Variants in SMAD5 observed in about 807,000 individuals in gnomAD.
SMAD5 encodes MAD, mothers against decapentaplegic homolog 5.
SMAD5 carries 9 observed loss-of-function variants against 43.1 expected under a neutral mutation model. The observed-to-expected ratio is 0.21, with a 90% CI of 0.13 to 0.36. The LOEUF (loss-of-function observed/expected upper bound fraction) is 0.36, where lower values mean the gene tolerates loss of function less well. Ranked by LOEUF, SMAD5 falls within the 10% of genes least tolerant of loss-of-function variation. The pLI is 1.00. For synonymous variants in SMAD5, 190 were observed against 192.4 expected, an observed-to-expected ratio of 0.99 and a Z score of 0.10; for missense variants, 348 against 574.0, an observed-to-expected ratio of 0.61 and a Z score of 4.02.
intron 6 of SMAD5, 110 bp downstream of exon 6, chr5:136,172,765 GCC>G: frequency 1.3e-6 from 1 of 742,200 alleles, no homozygotes; most frequent in Non-Finnish European, 2.4e-6. Context: ...TTGACACGTG[GCC>G]TCTGCCTTAA....
chr5:136,140,108 T>A (rs1035769787), intron 1 of SMAD5, among the ~76,000 whole-genome samples: 1 of 151,294 alleles, frequency 6.6e-6, no homozygotes, highest in Non-Finnish European at 1.5e-5. Flanking sequence ...CTGCAACCTC[T>A]GCCTCCCGGG....
intron 3 of SMAD5, 102 bp from the exon 4 acceptor site, chr5:136,160,754 A>G (rs1753794437): frequency 9.0e-7 from 1 of 1,106,872 alleles, no homozygotes; most frequent in African/African-American, 1.6e-5. Flanking sequence ...TTGTTTTAAT[A>G]GGTTTACAGT....
intron 1 of SMAD5, among the ~76,000 whole-genome samples, chr5:136,136,106 G>A (rs1177356805): frequency 1.3e-5 from 2 of 152,108 alleles, no homozygotes; most frequent in African/African-American, 4.8e-5. Flanking sequence ...AAAAGAAAAG[G>A]CCCAAGGAAG....
chr5:136,140,741 T>C (rs953289650), intron 1 of SMAD5, among the ~76,000 whole-genome samples: 1 of 151,518 alleles, frequency 6.6e-6, no homozygotes, highest in Non-Finnish European at 1.5e-5. Flanking sequence ...TATAGCACTT[T>C]TCACCTAACA....
rs866353610 is a variant in SMAD5 at position 136,153,950 on chromosome 5, A to G, written c.190A>G (p.Lys64Glu). The change falls in exon 3 of 8, where the codon AAA becomes GAA. Residue 64 changes from lysine to glutamate, a missense_variant. Physicochemically the swap from Lys to Glu is moderately conservative, Grantham distance 56. Coordinates refer to ENST00000545279, the MANE Select transcript of SMAD5 (RefSeq NM_005903.7). Reference protein sequence around the residue: ...KALSSPGQPSKCVTIPRSLDG... With the variant: ...KALSSPGQPSECVTIPRSLDG... ...CTTGAGCAGTCCAGGACAGCCGAGT[A>G]AATGTGTCACTATTCCCAGATCTTT... The G allele has an allele frequency of 6.2e-7, 1 of 1,612,316 alleles. No homozygotes were observed. Among genetic ancestry groups the G allele is most frequent in the Non-Finnish European group, 8.5e-7 (1 of 1,179,426 alleles).
At chr5:136,153,062 C>T (rs76148107) in intron 2 of SMAD5, among the ~76,000 whole-genome samples, 121 of 152,110 alleles carry the variant, frequency 8.0e-4, no homozygotes, top group African/African-American at 2.9e-3. Context: ...CTTATACAAC[C>T]GTGAATACAA....
chr5:136,151,805 T>G (rs1044101881), intron 2 of SMAD5, among the ~76,000 whole-genome samples: 4 of 152,012 alleles, frequency 2.6e-5, no homozygotes, highest in Non-Finnish European at 5.9e-5. Flanking sequence ...TATATATATA[T>G]TTTTTTGTTT....
At chr5:136,154,550 G>T (rs1580778459) in intron 3 of SMAD5, among the ~76,000 whole-genome samples, 3 of 151,928 alleles carry the variant, frequency 2.0e-5, no homozygotes, top group Middle Eastern at 6.8e-3. Context: ...CTTTCTACCA[G>T]AGTATTTCTG....
intron 5 of SMAD5, among the ~76,000 whole-genome samples, chr5:136,167,413 T>G (rs1288222609): frequency 6.6e-6 from 1 of 152,152 alleles, no homozygotes; most frequent in Non-Finnish European, 1.5e-5. Context: ...TATTTTCCTC[T>G]CTTTCTTCTC....
At position 136,154,954 on chromosome 5, in the gene SMAD5, CTT is replaced by C. The variant is rs563618933; in HGVS notation, c.403+793_403+794del. Reference sequence around the variant, plus strand: ...TACCTCACTGACTGTTCTTGCCCCTCTTTGCTGGCGTATTCTCCTGTTTTCAC... The same window carrying C: ...TACCTCACTGACTGTTCTTGCCCCTCTGCTGGCGTATTCTCCTGTTTTCAC... On this transcript the variant is annotated intron_variant, in intron 3 of 7. Coordinates refer to ENST00000545279, the MANE Select transcript of SMAD5 (RefSeq NM_005903.7). 5.3e-3 allele frequency among the ~76,000 whole-genome samples: 800 copies of C among 152,300 alleles called. 9 individuals are homozygous for C. Among genetic ancestry groups the C allele is most frequent in the African/African-American group, 0.018 (758 of 41,560 alleles).
At chr5:136,140,727 T>TC (rs1753051360) in intron 1 of SMAD5, among the ~76,000 whole-genome samples, 1 of 151,620 alleles carries the variant, frequency 6.6e-6, no homozygotes, top group East Asian at 1.9e-4. Context: ...TTTTAATTTT[T>TC]CTCTATAGCA....
intron 4 of SMAD5, 32 bp downstream of exon 4, chr5:136,161,139 A>G: frequency 6.3e-7 from 1 of 1,594,914 alleles, no homozygotes; most frequent in Non-Finnish European, 8.5e-7. Context: ...ACCAAAAAAA[A>G]AAAAATTCCT....
chr5:136,174,720 A>G, intron 7 of SMAD5, 88 bp downstream of exon 7: 1 of 913,310 alleles, frequency 1.1e-6, no homozygotes, highest in Non-Finnish European at 1.7e-6. Flanking sequence ...TGTTAAATGA[A>G]AGTTGATAAT....
intron 1 of SMAD5, among the ~76,000 whole-genome samples, chr5:136,136,403 C>CT (rs1447688565): frequency 6.6e-6 from 1 of 152,058 alleles, no homozygotes; most frequent in Non-Finnish European, 1.5e-5. Flanking sequence ...GTCTTGAACT[C>CT]TTAACATACC....
intron 2 of SMAD5, among the ~76,000 whole-genome samples, chr5:136,153,326 A>G (rs1041834478): frequency 2.6e-5 from 4 of 152,106 alleles, no homozygotes; most frequent in Admixed American, 6.6e-5. Flanking sequence ...GGAGTCCAGA[A>G]GCTATTTTTG....
At chr5:136,148,320 C>T (rs999289841) in intron 2 of SMAD5, among the ~76,000 whole-genome samples, 2 of 150,606 alleles carry the variant, frequency 1.3e-5, no homozygotes, top group Non-Finnish European at 3.0e-5. Flanking sequence ...CTGTTAAATT[C>T]TTTGATAGTC....
chr5:136,143,166 A>C (rs183368424), intron 1 of SMAD5, among the ~76,000 whole-genome samples: 1 of 152,050 alleles, frequency 6.6e-6, no homozygotes, highest in African/African-American at 2.4e-5. Flanking sequence ...TTTGGCCATA[A>C]CTAGAGTTAC....
At chr5:136,141,281 G>A (rs555058219) in intron 1 of SMAD5, among the ~76,000 whole-genome samples, 9 of 152,254 alleles carry the variant, frequency 5.9e-5, no homozygotes, top group African/African-American at 1.9e-4. Flanking sequence ...CAGGAATAAT[G>A]CTTCTGGAGT....
At chr5:136,148,394 A>G (rs903457793) in intron 2 of SMAD5, among the ~76,000 whole-genome samples, 2 of 151,798 alleles carry the variant, frequency 1.3e-5, no homozygotes, top group Non-Finnish European at 2.9e-5. Flanking sequence ...TAAAAGTGGT[A>G]GATTCCCTGA....
Sources: gnomAD v4.1 joint callset for allele counts (sites outside exome capture counted in the v4.1 genomes callset) on GRCh38, gnomAD v4.1.1 for gene constraint, MANE v1.5 for transcripts, NCBI Gene and HGNC (gene_info 2026-07-23, HGNC 2026-07-21) for gene names.